Variants in WDR41 observed in about 807,000 individuals in gnomAD.
WDR41 encodes WD repeat-containing protein 41.
In WDR41, 63 loss-of-function variants were observed where a neutral mutation model predicts 69.3. The ratio of observed to expected loss-of-function variants is 0.91; its 90% confidence interval spans 0.74 to 1.12. WDR41 has a LOEUF of 1.12. WDR41 is among the 50% of genes most tolerant of loss of function. The probability of loss-of-function intolerance (pLI) is 0.00; values close to 1 mark genes in which losing one functional copy is unlikely to be tolerated. For missense variants in WDR41, 543 were observed against 534.5 expected, an observed-to-expected ratio of 1.02 and a Z score of -0.16; for synonymous variants, 185 against 192.1, an observed-to-expected ratio of 0.96 and a Z score of 0.31.
At chr5:77,492,025 G>T (rs1268740669) in intron 1 of WDR41, 145 bp downstream of exon 1, 7 of 1,064,794 alleles carry the variant, frequency 6.6e-6, no homozygotes, top group Non-Finnish European at 9.2e-6. Context: ...CCCCACCGTC[G>T]TGAGAACAGC....
chr5:77,567,527 G>A (rs10042584), intron 1 of WDR41, among the ~76,000 whole-genome samples: 11,108 of 151,776 alleles, frequency 0.073, 504 homozygotes, highest in South Asian at 0.21. Flanking sequence ...AACATTACAG[G>A]GTTAGTGCAA....
chr5:77,611,659 T>C (rs1031526319), intron 1 of WDR41, among the ~76,000 whole-genome samples: 1 of 152,250 alleles, frequency 6.6e-6, no homozygotes, highest in Non-Finnish European at 1.5e-5. Flanking sequence ...GAGGGAAATT[T>C]ATAGCACTAA....
intron 1 of WDR41, among the ~76,000 whole-genome samples, chr5:77,607,655 C>T (rs1744448376): frequency 6.6e-6 from 1 of 152,092 alleles, no homozygotes; most frequent in Non-Finnish European, 1.5e-5. Flanking sequence ...TTTAAGGTGT[C>T]TCAGGATAAT....
chr5:77,466,806 A>AT (rs201249403), intron 2 of WDR41, among the ~76,000 whole-genome samples: 4,349 of 135,200 alleles, frequency 0.032, 58 homozygotes, highest in African/African-American at 0.041. Flanking sequence ...TATTGCTACC[A>AT]TTTTTTTTTT....
intron 1 of WDR41, among the ~76,000 whole-genome samples, chr5:77,585,580 C>A (rs1277463975): frequency 6.6e-6 from 1 of 152,088 alleles, no homozygotes; most frequent in African/African-American, 2.4e-5. Flanking sequence ...ACCCAAATGC[C>A]CATCAATCAA....
intron 1 of WDR41, among the ~76,000 whole-genome samples, chr5:77,581,893 G>T (rs1743946658): frequency 6.6e-6 from 1 of 152,044 alleles, no homozygotes; most frequent in Non-Finnish European, 1.5e-5. Context: ...CATTAAAGAA[G>T]AAAGGTCTCA....
At chr5:77,589,088 A>G (rs1580032889) in intron 1 of WDR41, among the ~76,000 whole-genome samples, 2 of 152,326 alleles carry the variant, frequency 1.3e-5, no homozygotes, top group South Asian at 2.1e-4. Context: ...AGCTGGTAAT[A>G]TGCATGTTAG....
chr5:77,478,326 G>T (rs1460139412), intron 2 of WDR41, among the ~76,000 whole-genome samples: 1 of 152,174 alleles, frequency 6.6e-6, no homozygotes, highest in African/African-American at 2.4e-5. Flanking sequence ...CTCATTTTAT[G>T]AGGCCAGCAT....
chr5:77,514,684 C>G (rs1158359002), intron 1 of WDR41, among the ~76,000 whole-genome samples: 1 of 152,088 alleles, frequency 6.6e-6, no homozygotes. Flanking sequence ...TGTCATTGTG[C>G]CATTGTAGAG....
chr5:77,474,359 C>G (rs558783893), intron 2 of WDR41, among the ~76,000 whole-genome samples: 1 of 152,190 alleles, frequency 6.6e-6, no homozygotes, highest in Admixed American at 6.5e-5. Flanking sequence ...CTGGGTGCAG[C>G]ACACCAACAT....
At chr5:77,546,092 T>A (rs1743191557) in intron 1 of WDR41, 3 of 533,094 alleles carry the variant, frequency 5.6e-6, no homozygotes, top group Middle Eastern at 5.3e-4. Context: ...CCTGGGCAAC[T>A]TCGGCAAGGC....
intron 2 of WDR41, among the ~76,000 whole-genome samples, chr5:77,466,313 A>C (rs940500287): frequency 1.3e-5 from 2 of 151,962 alleles, no homozygotes; most frequent in Non-Finnish European, 2.9e-5. Context: ...TCAGATTAGT[A>C]AATAGTACCT....
At chr5:77,525,561 G>C (rs1802433247) in intron 1 of WDR41, among the ~76,000 whole-genome samples, 1 of 152,110 alleles carries the variant, frequency 6.6e-6, no homozygotes, top group African/African-American at 2.4e-5. Context: ...TGTAAATAGT[G>C]GCTGAGCTGG....
At chr5:77,521,129 A>G (rs1315817716) in intron 1 of WDR41, among the ~76,000 whole-genome samples, 1 of 148,598 alleles carries the variant, frequency 6.7e-6, no homozygotes, top group East Asian at 2.1e-4. Context: ...TTTTGGCACC[A>G]GGGATTGGTT....
At chr5:77,477,993 A>T (rs1230566154) in intron 2 of WDR41, among the ~76,000 whole-genome samples, 1 of 151,990 alleles carries the variant, frequency 6.6e-6, no homozygotes, top group Non-Finnish European at 1.5e-5. Context: ...TAAAGGGGAT[A>T]TCACCACTGA....
intron 1 of WDR41, among the ~76,000 whole-genome samples, chr5:77,594,710 G>A (rs187912893): frequency 9.3e-4 from 142 of 152,196 alleles, no homozygotes; most frequent in Non-Finnish European, 1.5e-3. Flanking sequence ...CTATGGTAAC[G>A]TAACAGAGCC....
At chr5:77,612,380 T>C (rs1410125497) in intron 1 of WDR41, among the ~76,000 whole-genome samples, 1 of 152,172 alleles carries the variant, frequency 6.6e-6, no homozygotes, top group Non-Finnish European at 1.5e-5. Flanking sequence ...TGAACATTGA[T>C]GCAAAAATAC....
intron 1 of WDR41, among the ~76,000 whole-genome samples, chr5:77,609,594 G>C (rs1361182432): frequency 6.6e-6 from 1 of 152,222 alleles, no homozygotes. Flanking sequence ...ACAGCTGACA[G>C]TCCTGTCTGT....
chr5:77,501,541 G>A (rs1297253865), intron 1 of WDR41, among the ~76,000 whole-genome samples: 3 of 152,220 alleles, frequency 2.0e-5, no homozygotes, highest in Admixed American at 2.0e-4. Context: ...CCAGCACAGC[G>A]TTTGAGCTCT....
Sources: allele counts gnomAD v4.1 joint callset (sites outside exome capture counted in the v4.1 genomes callset), GRCh38; gene constraint gnomAD v4.1.1; transcripts MANE v1.5; gene names NCBI Gene and HGNC (gene_info 2026-07-23, HGNC 2026-07-21).